RBFOX1: variants seen among roughly 807,000 people sequenced by gnomAD.
The protein encoded by RBFOX1 is RNA binding fox-1 homolog 1, also known as RNA binding protein fox-1 homolog 1.
A neutral mutation model predicts 57.7 loss-of-function variants in RBFOX1; 8 were observed. The ratio of observed to expected loss-of-function variants is 0.14; its 90% confidence interval spans 0.08 to 0.25. The LOEUF (loss-of-function observed/expected upper bound fraction) is 0.25. Among genes scored for constraint, RBFOX1 ranks in the 10% least tolerant of loss-of-function variants. The pLI is 1.00. For missense variants in RBFOX1, 611 were observed against 548.5 expected (o/e 1.11, Z -1.14); for synonymous variants, 326 against 222.4 (o/e 1.47, Z -4.15).
chr16:7,032,934 G>A (rs1208124296), intron 3 of RBFOX1, among the ~76,000 whole-genome samples: 1 of 152,084 alleles, frequency 6.6e-6, no homozygotes, highest in African/African-American at 2.4e-5. Flanking sequence ...CCTGGCTGGT[G>A]GGAGAACAGC....
At chr16:5,472,886 G>C (rs1410716574) in intron 2 of RBFOX1, among the ~76,000 whole-genome samples, 2 of 152,200 alleles carry the variant, frequency 1.3e-5, no homozygotes, top group Admixed American at 1.3e-4. Flanking sequence ...GAGGAACTCA[G>C]GTTGTCGTAG....
chr16:5,739,901 T>C (rs903955545), intron 3 of RBFOX1, among the ~76,000 whole-genome samples: 1 of 152,078 alleles, frequency 6.6e-6, no homozygotes, highest in Non-Finnish European at 1.5e-5. Context: ...ATGTAAAAAA[T>C]AATAAGAAAA....
At chr16:7,405,434 G>A (rs1030994938) in intron 4 of RBFOX1, among the ~76,000 whole-genome samples, 110 of 152,286 alleles carry the variant, frequency 7.2e-4, no homozygotes, top group Non-Finnish European at 2.1e-4. Flanking sequence ...GAGCGGAGCT[G>A]AGCTCCGGGC....
chr16:6,645,911 G>C (rs1568024185), intron 2 of RBFOX1, among the ~76,000 whole-genome samples: 2 of 152,104 alleles, frequency 1.3e-5, no homozygotes, highest in African/African-American at 2.4e-5. Flanking sequence ...TCCAAAACTG[G>C]TGTGGTTGAG....
intron 4 of RBFOX1, among the ~76,000 whole-genome samples, chr16:7,383,699 G>A (rs1043081439): frequency 6.6e-6 from 1 of 152,076 alleles, no homozygotes; most frequent in South Asian, 2.1e-4. Flanking sequence ...TTCCCATTCT[G>A]TATATTAAAC....
intron 4 of RBFOX1, among the ~76,000 whole-genome samples, chr16:5,961,618 C>T (rs963416642): frequency 6.6e-6 from 1 of 152,160 alleles, no homozygotes; most frequent in African/African-American, 2.4e-5. Context: ...CTCCCCAGTT[C>T]AAACAATCCT....
At chr16:7,166,647 G>T (rs1363140783) in intron 4 of RBFOX1, among the ~76,000 whole-genome samples, 1 of 152,120 alleles carries the variant, frequency 6.6e-6, no homozygotes, top group Non-Finnish European at 1.5e-5. Flanking sequence ...TGAGCAGTCT[G>T]GTGAGGAAGG....
chr16:7,127,350 T>C (rs2068872171), intron 4 of RBFOX1, among the ~76,000 whole-genome samples: 1 of 152,236 alleles, frequency 6.6e-6, no homozygotes, highest in African/African-American at 2.4e-5. Flanking sequence ...ATCTCAGGTC[T>C]GGTTATAAGC....
chr16:7,308,669 A>T (rs2096247349), intron 4 of RBFOX1, among the ~76,000 whole-genome samples: 1 of 152,232 alleles, frequency 6.6e-6, no homozygotes, highest in African/African-American at 2.4e-5. Context: ...CTTCAGATCG[A>T]AAGCAATTGA....
At chr16:5,941,292 C>A (rs547074459) in intron 4 of RBFOX1, among the ~76,000 whole-genome samples, 1 of 151,926 alleles carries the variant, frequency 6.6e-6, no homozygotes, top group Non-Finnish European at 1.5e-5. Flanking sequence ...GAGTTCAAGA[C>A]CAGCCTGGGC....
chr16:6,386,605 A>C (rs2092299458), intron 2 of RBFOX1, among the ~76,000 whole-genome samples: 1 of 152,232 alleles, frequency 6.6e-6, no homozygotes, highest in Non-Finnish European at 1.5e-5. Context: ...ACAGGTGGTA[A>C]GATGTCTGTA....
At chr16:6,145,158 G>C (rs945375357) in intron 1 of RBFOX1, among the ~76,000 whole-genome samples, 17 of 152,034 alleles carry the variant, frequency 1.1e-4, no homozygotes, top group Admixed American at 1.1e-3. Context: ...CTGCCCATTA[G>C]TTATATTTCC....
chr16:6,509,044 G>A (rs963931640), intron 2 of RBFOX1, among the ~76,000 whole-genome samples: 1 of 152,100 alleles, frequency 6.6e-6, no homozygotes, highest in African/African-American at 2.4e-5. Context: ...CATACATTTG[G>A]ATGAGATTTT....
At chr16:5,273,107 G>A (rs1315201368) in intron 1 of RBFOX1, among the ~76,000 whole-genome samples, 5 of 152,274 alleles carry the variant, frequency 3.3e-5, no homozygotes, top group African/African-American at 1.2e-4. Context: ...TCTTTAAGAG[G>A]CAGAGGGAGG....
intron 4 of RBFOX1, among the ~76,000 whole-genome samples, chr16:5,944,979 A>AAAC (rs1555453203): frequency 0.03 from 4,086 of 134,436 alleles, 293 homozygotes; most frequent in African/African-American, 0.11. Context: ...AAAAAAAAAA[A>AAAC]AAAAAAAAAG....
At chr16:6,539,017 T>A (rs949257710) in intron 2 of RBFOX1, among the ~76,000 whole-genome samples, 2 of 152,148 alleles carry the variant, frequency 1.3e-5, no homozygotes, top group Non-Finnish European at 2.9e-5. Context: ...TTTTACTGTC[T>A]CATGTGGAGT....
rs184458037 is a variant in RBFOX1, at chr16:6,331,791, A to T, written c.-64+14734A>T. On this transcript the variant is annotated intron_variant, in intron 2 of 15. Transcript: ENST00000550418. ...TTTTTTAAAAAAAAAAATTGTATTT[A>T]TTTGTGTATTGCCCTGGAAATGTAC... Among the ~76,000 whole-genome samples the T allele has an allele frequency of 3.7e-3, 558 of 150,766 alleles. 4 individuals are homozygous for T. Among genetic ancestry groups the T allele is most frequent in the Non-Finnish European group, 3.8e-3 (258 of 67,808 alleles).
chr16:7,517,568 A>G (rs2076643552), intron 4 of RBFOX1, among the ~76,000 whole-genome samples: 1 of 151,794 alleles, frequency 6.6e-6, no homozygotes, highest in African/African-American at 2.4e-5. Flanking sequence ...ACACACACAC[A>G]CACACAACAT....
chr16:5,976,660 G>A (rs997861586), intron 4 of RBFOX1, among the ~76,000 whole-genome samples: 26 of 152,172 alleles, frequency 1.7e-4, no homozygotes, highest in Admixed American at 4.6e-4. Flanking sequence ...CTTGAGGTCA[G>A]GAGTTCGAGA....
Sources: allele counts gnomAD v4.1 joint callset (sites outside exome capture counted in the v4.1 genomes callset), GRCh38; gene constraint gnomAD v4.1.1; transcripts MANE v1.5; gene names NCBI Gene and HGNC (gene_info 2026-07-23, HGNC 2026-07-21).